Variants in FRMD4A observed in about 807,000 individuals in gnomAD.
FRMD4A encodes FERM domain-containing protein 4A.
In FRMD4A, 29 loss-of-function variants were observed where a neutral mutation model predicts 129.1. The observed-to-expected ratio is 0.22, with a 90% CI of 0.17 to 0.31. FRMD4A has a LOEUF of 0.31. Ranked by LOEUF, FRMD4A falls within the 10% of genes least tolerant of loss-of-function variation. The probability of loss-of-function intolerance (pLI) is 1.00; values close to 1 mark genes in which losing one functional copy is unlikely to be tolerated. For missense variants in FRMD4A, 1,272 were observed against 1,375.8 expected (o/e 0.92, Z 1.19); for synonymous variants, 634 against 571.6 (o/e 1.11, Z -1.56).
At chr10:13,805,155 T>C (rs76249044) in intron 4 of FRMD4A, among the ~76,000 whole-genome samples, 1 of 152,074 alleles carries the variant, frequency 6.6e-6, no homozygotes, top group Non-Finnish European at 1.5e-5. Flanking sequence ...CTTTTTTTTT[T>C]CTTTAAGAGA....
chr10:14,106,413 T>G (rs1327003), intron 2 of FRMD4A, among the ~76,000 whole-genome samples: 100,661 of 151,992 alleles, frequency 0.66, 33,440 homozygotes, highest in East Asian at 0.78. Context: ...CCATCACTGG[T>G]GAGTGAGGAA....
At chr10:13,870,135 T>C (rs1001936807) in intron 2 of FRMD4A, among the ~76,000 whole-genome samples, 1 of 152,190 alleles carries the variant, frequency 6.6e-6, no homozygotes, top group Non-Finnish European at 1.5e-5. Flanking sequence ...CAGAGGCTAA[T>C]GGGAACAGAG....
At chr10:14,109,224 A>T (rs2131789830) in intron 2 of FRMD4A, among the ~76,000 whole-genome samples, 1 of 152,010 alleles carries the variant, frequency 6.6e-6, no homozygotes, top group East Asian at 1.9e-4. Flanking sequence ...AAAAAAAAAA[A>T]AAGCCTCCAA....
intron 5 of FRMD4A, among the ~76,000 whole-genome samples, chr10:13,790,697 C>T (rs773548014): frequency 3.3e-5 from 5 of 151,342 alleles, no homozygotes; most frequent in Admixed American, 2.6e-4. Context: ...CTCCAGTGAC[C>T]AGGGGGTACG....
chr10:14,089,503 G>A (rs1426817269), intron 2 of FRMD4A, among the ~76,000 whole-genome samples: 4 of 151,946 alleles, frequency 2.6e-5, no homozygotes, highest in African/African-American at 9.7e-5. Context: ...TATGTTTTCA[G>A]TAAATTTTCA....
chr10:14,067,488 C>T (rs949707808), intron 2 of FRMD4A, among the ~76,000 whole-genome samples: 4 of 152,026 alleles, frequency 2.6e-5, no homozygotes, highest in African/African-American at 9.7e-5. Context: ...GAAATAGCAT[C>T]AATATATCAG....
intron 2 of FRMD4A, among the ~76,000 whole-genome samples, chr10:14,196,479 T>C (rs1328522780): frequency 6.6e-6 from 1 of 152,210 alleles, no homozygotes; most frequent in African/African-American, 2.4e-5. Flanking sequence ...AAGGCTAATG[T>C]TCAATTTAAA....
At chr10:13,700,038 G>A (rs544627778) in intron 14 of FRMD4A, among the ~76,000 whole-genome samples, 9 of 152,198 alleles carry the variant, frequency 5.9e-5, no homozygotes, top group Non-Finnish European at 1.2e-4. Context: ...TGACGGCTGC[G>A]GGGGACAGAC....
chr10:14,328,626 ATG>A (rs58681647), intron 2 of FRMD4A, among the ~76,000 whole-genome samples: 79,114 of 142,184 alleles, frequency 0.56, 22,111 homozygotes, highest in South Asian at 0.66. Flanking sequence ...ATACATATGC[ATG>A]TGTGTGTGTG....
chr10:13,999,887 G>A (rs909188025), intron 2 of FRMD4A, among the ~76,000 whole-genome samples: 2 of 152,168 alleles, frequency 1.3e-5, no homozygotes, highest in Admixed American at 6.5e-5. Flanking sequence ...CTGCAACCCT[G>A]GCCCTTGAAG....
At chr10:13,694,382 AC>A (rs1298630109) in intron 14 of FRMD4A, among the ~76,000 whole-genome samples, 2 of 152,102 alleles carry the variant, frequency 1.3e-5, no homozygotes, top group Non-Finnish European at 2.9e-5. Context: ...GGTAGATGCC[AC>A]TCACCACCCA....
At chr10:13,941,027 T>G (rs2095287724) in intron 2 of FRMD4A, among the ~76,000 whole-genome samples, 1 of 152,146 alleles carries the variant, frequency 6.6e-6, no homozygotes, top group Non-Finnish European at 1.5e-5. Flanking sequence ...GAGCAAGGAT[T>G]GAAATCCTAG....
intron 4 of FRMD4A, among the ~76,000 whole-genome samples, chr10:13,798,427 G>T (rs1484075216): frequency 6.6e-6 from 1 of 151,316 alleles, no homozygotes; most frequent in African/African-American, 2.4e-5. Context: ...TAAATAAATA[G>T]GACGGGCGTG....
At chr10:14,127,782 T>C (rs1838926183) in intron 2 of FRMD4A, among the ~76,000 whole-genome samples, 1 of 152,172 alleles carries the variant, frequency 6.6e-6, no homozygotes, top group African/African-American at 2.4e-5. Flanking sequence ...ATACCTTTGG[T>C]CCATCTCCTC....
chr10:14,283,903 T>C (rs1251663850), intron 2 of FRMD4A, among the ~76,000 whole-genome samples: 1 of 152,194 alleles, frequency 6.6e-6, no homozygotes, highest in Non-Finnish European at 1.5e-5. Flanking sequence ...TCTCAATTGA[T>C]CATTTGACAA....
intron 2 of FRMD4A, among the ~76,000 whole-genome samples, chr10:14,089,281 C>A (rs956130929): frequency 6.6e-6 from 1 of 152,126 alleles, no homozygotes; most frequent in African/African-American, 2.4e-5. Flanking sequence ...GAGTGCCCAG[C>A]GTGACCACCG....
At chr10:14,122,674 A>T (rs1838596919) in intron 2 of FRMD4A, among the ~76,000 whole-genome samples, 1 of 152,118 alleles carries the variant, frequency 6.6e-6, no homozygotes, top group Non-Finnish European at 1.5e-5. Flanking sequence ...TACTATCATG[A>T]CCAAGGTGGA....
chr10:14,038,900 T>C (rs1833631122), intron 2 of FRMD4A, among the ~76,000 whole-genome samples: 1 of 152,188 alleles, frequency 6.6e-6, no homozygotes, highest in Non-Finnish European at 1.5e-5. Context: ...TCAAGGTCAC[T>C]AGCTGTGTTT....
intron 2 of FRMD4A, among the ~76,000 whole-genome samples, chr10:14,266,091 G>A (rs1163870356): frequency 6.6e-6 from 1 of 151,212 alleles, no homozygotes; most frequent in Admixed American, 6.6e-5. Flanking sequence ...CTGAACGGGT[G>A]TGGGTTTCGA....
Sources: gnomAD v4.1 joint callset for allele counts (sites outside exome capture counted in the v4.1 genomes callset) on GRCh38, gnomAD v4.1.1 for gene constraint, MANE v1.5 for transcripts, NCBI Gene and HGNC (gene_info 2026-07-23, HGNC 2026-07-21) for gene names.